Variants in RRAGD observed in about 807,000 individuals in gnomAD.
The protein encoded by RRAGD is Ras related GTP binding D.
In RRAGD, 12 loss-of-function variants were observed where a neutral mutation model predicts 35.5. The observed-to-expected ratio is 0.34, with a 90% CI of 0.22 to 0.55. RRAGD has a LOEUF of 0.55. RRAGD is among the 20% of genes least tolerant of loss of function. The pLI is 0.91. For missense variants in RRAGD, 324 were observed against 490.1 expected (o/e 0.66, Z 3.20); for synonymous variants, 155 against 178.9 (o/e 0.87, Z 1.07).
In RRAGD at chr6:89,379,207, G is replaced by A; in HGVS notation, c.759+17C>T. ...CAAATTCTACAAGTGACTCAAACAG[G>A]AATATTATTTACTTACTGAGATAAA... is the stretch of plus-strand genomic sequence containing the variant. On this transcript the variant is annotated intron_variant, in intron 4 of 6. Transcript: ENST00000369415. 1 of 1,291,526 alleles carries A rather than the reference G, an allele frequency of 7.7e-7. No homozygotes were observed. The highest frequency in any genetic ancestry group is 1.1e-6 in the Non-Finnish European group (1 of 903,082). 80.0% of individuals were successfully genotyped at this position (1,291,526 alleles called of 1,614,324 possible).
At chr6:89,380,113 C>T in intron 3 of RRAGD, 55 bp downstream of exon 3, 1 of 1,562,988 alleles carries the variant, frequency 6.4e-7, no homozygotes, top group African/African-American at 1.4e-5. Flanking sequence ...CTCCGAACCC[C>T]AAACTTGCTT....
chr6:89,409,795 C>T lies in RRAGD; in HGVS notation c.148+2051G>A, dbSNP rs186000574. Among the ~76,000 whole-genome samples the T allele has an allele frequency of 1.1e-3, 162 of 152,320 alleles. 1 individual carries two copies. Among genetic ancestry groups the T allele is most frequent in the Middle Eastern group, 3.4e-3 (1 of 294 alleles). The stretch of plus-strand genomic sequence containing the variant: ...CAAAGCCAGGGAAATCTGGAAAGAA[C>T]AGAGGCCAAAATATAACGGAGGAAG... On this transcript the variant is annotated intron_variant, in intron 1 of 6. Transcript: ENST00000369415.
At chr6:89,374,708 C>T (rs1171231986) in intron 5 of RRAGD, among the ~76,000 whole-genome samples, 1 of 148,140 alleles carries the variant, frequency 6.8e-6, no homozygotes, top group Non-Finnish European at 1.5e-5. Context: ...CCAGCCTGGG[C>T]AACAAGAGCG....
chr6:89,397,947 G>C (rs1769371871), intron 1 of RRAGD, among the ~76,000 whole-genome samples: 1 of 152,186 alleles, frequency 6.6e-6, no homozygotes, highest in African/African-American at 2.4e-5. Flanking sequence ...AGGAGTTCAA[G>C]ACTAGCCTGG....
intron 1 of RRAGD, among the ~76,000 whole-genome samples, chr6:89,393,729 T>C (rs1769280173): frequency 6.6e-6 from 1 of 152,120 alleles, no homozygotes; most frequent in Non-Finnish European, 1.5e-5. Context: ...ACTCAACAAA[T>C]GTAAGAATGT....
At chr6:89,395,341 C>T (rs999060725) in intron 1 of RRAGD, among the ~76,000 whole-genome samples, 16 of 152,084 alleles carry the variant, frequency 1.1e-4, no homozygotes, top group African/African-American at 3.1e-4. Context: ...CTGCTTGAGC[C>T]CAGGGGTTTG....
At chr6:89,406,570 C>T (rs1218258524) in intron 1 of RRAGD, among the ~76,000 whole-genome samples, 2 of 152,102 alleles carry the variant, frequency 1.3e-5, no homozygotes, top group Non-Finnish European at 2.9e-5. Context: ...AAACAGCTGC[C>T]TGACTCCAGG....
intron 6 of RRAGD, among the ~76,000 whole-genome samples, chr6:89,369,918 C>A (rs1000111903): frequency 2.0e-5 from 3 of 152,140 alleles, no homozygotes; most frequent in Admixed American, 6.6e-5. Context: ...ACTCTCTTCA[C>A]CCCACCTACA....
chr6:89,372,667 A>T, intron 5 of RRAGD, 82 bp from the exon 6 acceptor site: 1 of 1,372,562 alleles, frequency 7.3e-7, no homozygotes. Flanking sequence ...ACCGGCTTTA[A>T]GCCACAAAAA....
intron 1 of RRAGD, among the ~76,000 whole-genome samples, chr6:89,388,114 C>T (rs770153846): frequency 1.3e-5 from 2 of 152,106 alleles, no homozygotes; most frequent in Non-Finnish European, 2.9e-5. Flanking sequence ...GACTAGATGT[C>T]GCAGGTTTGG....
chr6:89,387,145 T>C, intron 2 of RRAGD, 150 bp downstream of exon 2: 1 of 753,842 alleles, frequency 1.3e-6, no homozygotes, highest in South Asian at 1.9e-5. Context: ...GGCTGGAGCC[T>C]TTTAACTTTG....
chr6:89,379,455 T>A (rs2127887428), intron 3 of RRAGD, 117 bp from the exon 4 acceptor site: 1 of 452,922 alleles, frequency 2.2e-6, no homozygotes, highest in Non-Finnish European at 4.0e-6. Context: ...ACACATACAG[T>A]CCAGCCCCCT....
intron 5 of RRAGD, among the ~76,000 whole-genome samples, chr6:89,374,403 GAGAGTATTTTA>G (rs1392146285): frequency 6.6e-6 from 1 of 152,184 alleles, no homozygotes; most frequent in Non-Finnish European, 1.5e-5. Flanking sequence ...TTTTAGTTTT[GAGAGTATTTTA>G]AGCTGCCATA....
In RRAGD at chr6:89,406,548, G is replaced by A. The variant is rs557680728; in HGVS notation, c.148+5298C>T. ...ACGTTGGGAGCACACCAGTTTGGCC[G>A]GAGTGGTCAGAAAACAGCTGCCTGA... is the stretch of plus-strand genomic sequence containing the variant. On this transcript the variant is annotated intron_variant, in intron 1 of 6. Coordinates refer to ENST00000369415, the MANE Select transcript of RRAGD (RefSeq NM_021244.5). Among the ~76,000 whole-genome samples, 37 of 152,110 alleles carry A rather than the reference G, an allele frequency of 2.4e-4. No homozygotes were observed. In the South Asian group the frequency reaches 6.3e-3, roughly 26 times the overall value.
At chr6:89,388,586 T>C (rs543881666) in intron 1 of RRAGD, among the ~76,000 whole-genome samples, 155 of 152,292 alleles carry the variant, frequency 1.0e-3, no homozygotes, top group Admixed American at 3.1e-3. Flanking sequence ...GCTAACGTAT[T>C]GGACAGCACA....
chr6:89,405,270 C>T (rs1211976918), intron 1 of RRAGD, among the ~76,000 whole-genome samples: 9 of 140,676 alleles, frequency 6.4e-5, no homozygotes, highest in Non-Finnish European at 3.0e-5. Flanking sequence ...AGGAGAATGG[C>T]GTGAACCTGG....
rs1769156320 is a variant in RRAGD at position 89,387,471 on chromosome 6, C to T, written c.268G>A (p.Glu90Lys). The T allele has an allele frequency of 4.3e-6, 7 of 1,614,040 alleles. No individual in the cohort carries two copies. Among genetic ancestry groups the T allele is most frequent in the Middle Eastern group, 1.6e-4 (1 of 6,084 alleles). Residue 90 changes from glutamate to lysine, a missense_variant, in exon 2 of 7, where the codon GAA becomes AAA. Physicochemically the swap from Glu to Lys is moderately conservative, Grantham distance 56. Coordinates refer to ENST00000369415, the MANE Select transcript of RRAGD (RefSeq NM_021244.5). ...KVVFHKMSPNETLFLESTNKI... is the reference protein window; with the variant it reads ...KVVFHKMSPNKTLFLESTNKI... ...TTAGTGCTCTCCAAGAACAGAGTTT[C>T]GTTGGGAGACATTTTGTGAAAGACA...
chr6:89,386,920 T>C (rs1004812520), intron 2 of RRAGD, among the ~76,000 whole-genome samples: 5 of 152,238 alleles, frequency 3.3e-5, no homozygotes, highest in Admixed American at 2.6e-4. Flanking sequence ...GAACTTTATC[T>C]TCATAGGAAA....
chr6:89,376,206 T>C (rs561754669), intron 5 of RRAGD, among the ~76,000 whole-genome samples: 75 of 152,238 alleles, frequency 4.9e-4, no homozygotes, highest in African/African-American at 1.8e-3. Context: ...GGCAGCTACA[T>C]TTATCCAGAG....
Sources: allele counts gnomAD v4.1 joint callset (sites outside exome capture counted in the v4.1 genomes callset), GRCh38; gene constraint gnomAD v4.1.1; transcripts MANE v1.5; gene names NCBI Gene and HGNC (gene_info 2026-07-23, HGNC 2026-07-21).